The following CCNY variants were observed in gnomAD, a reference collection of about 807,000 sequenced individuals.
CCNY encodes cyclin-Y.
In CCNY, 19 loss-of-function variants were observed where a neutral mutation model predicts 42.8. That is an observed-to-expected ratio of 0.44 (90% CI 0.31 to 0.65). The LOEUF (loss-of-function observed/expected upper bound fraction) is 0.65, where lower values mean the gene tolerates loss of function less well. Ranked by LOEUF, CCNY falls within the 30% of genes least tolerant of loss-of-function variation. The pLI is 0.07. For synonymous variants in CCNY, 165 were observed against 162.7 expected, an observed-to-expected ratio of 1.01 and a Z score of -0.11; for missense variants, 370 against 437.3, an observed-to-expected ratio of 0.85 and a Z score of 1.37.
chr10:35,492,889 G>A (rs997653690), intron 2 of CCNY, among the ~76,000 whole-genome samples: 1 of 152,140 alleles, frequency 6.6e-6, no homozygotes, highest in African/African-American at 2.4e-5. Flanking sequence ...TTAGGCTCAG[G>A]TGGTGTATTT....
At position 35,562,713 on chromosome 10, in the gene CCNY, T is replaced by C. The variant is rs575694843; in HGVS notation, c.747-3310T>C. ...GTGTCCCATTTTGTTTATCCACTCATCCACCCATGGACACTTGGGTTACCT... is the reference window on the plus strand; with the variant it reads ...GTGTCCCATTTTGTTTATCCACTCACCCACCCATGGACACTTGGGTTACCT... On this transcript the variant is annotated intron_variant, in intron 8 of 9. Transcript: ENST00000374704. Among the ~76,000 whole-genome samples the C allele has an allele frequency of 5.3e-5, 8 of 152,294 alleles. No individual in the cohort carries two copies. In the East Asian group the frequency reaches 1.5e-3, roughly 29 times the overall value.
rs1308592411 is a variant in CCNY, at chr10:35,479,664, C to T, written c.155-3740C>T. Among the ~76,000 whole-genome samples the T allele has an allele frequency of 1.0e-4, 15 of 147,776 alleles. 1 individual carries two copies. In the South Asian group the frequency reaches 2.2e-3, roughly 21 times the overall value. ...GGGAGATATACCTAATGCTAGATGACGAGTTAGTGGGTGCAGCACACCAGC... is the reference window on the plus strand; with the variant it reads ...GGGAGATATACCTAATGCTAGATGATGAGTTAGTGGGTGCAGCACACCAGC... On this transcript the variant is annotated intron_variant, in intron 1 of 9. Coordinates refer to ENST00000374704, the MANE Select transcript of CCNY (RefSeq NM_145012.6).
intron 1 of CCNY, among the ~76,000 whole-genome samples, chr10:35,462,392 A>G (rs1009593629): frequency 2.0e-5 from 3 of 152,130 alleles, no homozygotes; most frequent in Admixed American, 6.5e-5. Context: ...TGCACTTAGC[A>G]TCTCTGCATC....
intron 1 of CCNY, among the ~76,000 whole-genome samples, chr10:35,482,922 G>C (rs1044268997): frequency 1.3e-5 from 2 of 152,136 alleles, no homozygotes; most frequent in Non-Finnish European, 2.9e-5. Flanking sequence ...TGTAGCTTTT[G>C]CTCTAAGGGA....
At chr10:35,435,170 G>T (rs1359192628) in intron 1 of CCNY, among the ~76,000 whole-genome samples, 1 of 152,194 alleles carries the variant, frequency 6.6e-6, no homozygotes, top group Non-Finnish European at 1.5e-5. Flanking sequence ...GAAGAGGATG[G>T]TTGGAAACAT....
intron 1 of CCNY, among the ~76,000 whole-genome samples, chr10:35,441,283 G>A (rs1838661800): frequency 6.6e-6 from 1 of 152,206 alleles, no homozygotes; most frequent in Non-Finnish European, 1.5e-5. Flanking sequence ...AGTCTTCTTT[G>A]AAATGACTTT....
intron 7 of CCNY, among the ~76,000 whole-genome samples, chr10:35,549,418 C>T (rs1841195317): frequency 6.6e-6 from 1 of 151,596 alleles, no homozygotes; most frequent in Non-Finnish European, 1.5e-5. Context: ...GGCCCATGAC[C>T]CTACAGTGCT....
chr10:35,459,551 T>C (rs1589134784), intron 1 of CCNY, among the ~76,000 whole-genome samples: 1 of 152,190 alleles, frequency 6.6e-6, no homozygotes, highest in South Asian at 2.1e-4. Context: ...TTCCCAGGCA[T>C]GATGACACTG....
intron 3 of CCNY, among the ~76,000 whole-genome samples, chr10:35,273,875 T>G (rs1471880285): frequency 1.3e-5 from 2 of 152,174 alleles, no homozygotes; most frequent in Non-Finnish European, 2.9e-5. Context: ...GTCTGCAATA[T>G]GACTGCTTGC....
chr10:35,422,273 C>G (rs900998524), intron 1 of CCNY, among the ~76,000 whole-genome samples: 1 of 152,050 alleles, frequency 6.6e-6, no homozygotes, highest in Non-Finnish European at 1.5e-5. Flanking sequence ...TTCTATGTGG[C>G]CTCCTTGATC....
intron 7 of CCNY, among the ~76,000 whole-genome samples, chr10:35,549,739 C>A (rs77171237): frequency 4.8e-4 from 58 of 120,652 alleles, no homozygotes; most frequent in Middle Eastern, 5.3e-3. Flanking sequence ...TGCTCATGGC[C>A]CATGACCCTA....
At chr10:35,335,665 T>G (rs1589041171), upstream of CCNY, among the ~76,000 whole-genome samples, 1 of 151,668 alleles carries the variant, frequency 6.6e-6, no homozygotes, top group Non-Finnish European at 1.5e-5. Flanking sequence ...CCAGCCCGGG[T>G]TACGAAGCGA....
intron 3 of CCNY, among the ~76,000 whole-genome samples, chr10:35,266,122 G>C (rs1215538706): frequency 6.6e-6 from 1 of 151,966 alleles, no homozygotes; most frequent in Non-Finnish European, 1.5e-5. Context: ...CTGTCCCCCA[G>C]GCTGGAGTGC....
chr10:35,383,287 GA>G (rs1263314574), intron 1 of CCNY, among the ~76,000 whole-genome samples: 1 of 151,868 alleles, frequency 6.6e-6, no homozygotes, highest in Non-Finnish European at 1.5e-5. Flanking sequence ...AATTGAACTA[GA>G]AACTTTTAGA....
Position 35,304,405 on chromosome 10 carries a change from G to C in CCNY, c.-9+53779G>C. 2.5e-5 allele frequency among the ~76,000 whole-genome samples: 2 copies of C among 78,554 alleles called. 1 individual carries two copies. 51.5% of individuals were successfully genotyped at this position (78,554 alleles called of 152,430 possible). On this transcript the variant is annotated intron_variant, in intron 3 of 11. Coordinates refer to the CCNY transcript ENST00000374706. ...GCTCACTGCAAGCTCCGCCTCCCGG[G>C]TTCACGCCATTCTCCTGCCTCAGCC... is the stretch of plus-strand genomic sequence containing the variant.
intron 1 of CCNY, among the ~76,000 whole-genome samples, chr10:35,456,031 T>C (rs1440833784): frequency 1.3e-5 from 2 of 152,124 alleles, no homozygotes; most frequent in Non-Finnish European, 2.9e-5. Context: ...CAACTTTAGG[T>C]ACCTTGCTGC....
intron 1 of CCNY, among the ~76,000 whole-genome samples, chr10:35,423,818 G>A (rs763606089): frequency 3.3e-5 from 5 of 152,110 alleles, no homozygotes; most frequent in African/African-American, 7.2e-5. Flanking sequence ...TGCTTATTCC[G>A]AACTCCTATA....
At chr10:35,263,339 A>T (rs1271099515) in intron 3 of CCNY, among the ~76,000 whole-genome samples, 1 of 141,198 alleles carries the variant, frequency 7.1e-6, no homozygotes, top group Non-Finnish European at 1.5e-5. Flanking sequence ...CCTGGATGAC[A>T]GAGTGAGACT....
intron 3 of CCNY, among the ~76,000 whole-genome samples, chr10:35,305,700 T>G (rs942829733): frequency 9.9e-5 from 15 of 152,198 alleles, no homozygotes; most frequent in Admixed American, 9.2e-4. Context: ...TGAGTATTGA[T>G]GATTGGGTTA....
Sources: allele counts gnomAD v4.1 joint callset (sites outside exome capture counted in the v4.1 genomes callset), GRCh38; gene constraint gnomAD v4.1.1; transcripts MANE v1.5; gene names NCBI Gene and HGNC (gene_info 2026-07-23, HGNC 2026-07-21).